The following CUX2 variants were observed in gnomAD, a reference collection of about 807,000 sequenced individuals.
The protein encoded by CUX2 is homeobox protein cut-like 2.
Under a neutral mutation model 144.8 loss-of-function variants are expected in CUX2, and 40 were observed. The ratio of observed to expected loss-of-function variants is 0.28; its 90% CI spans 0.21 to 0.36. The LOEUF (loss-of-function observed/expected upper bound fraction) is 0.36, where lower values mean the gene tolerates loss of function less well. Among genes scored for constraint, CUX2 ranks in the 10% least tolerant of loss-of-function variants. The probability of loss-of-function intolerance (pLI) is 1.00; values close to 1 mark genes in which losing one functional copy is unlikely to be tolerated. For synonymous variants in CUX2, 827 were observed against 875.6 expected, an observed-to-expected ratio of 0.94 and a Z score of 0.98; for missense variants, 1,615 against 1,994.0, an observed-to-expected ratio of 0.81 and a Z score of 3.62.
chr12:111,278,347 G>T (rs1001898924), intron 4 of CUX2, among the ~76,000 whole-genome samples: 2 of 152,226 alleles, frequency 1.3e-5, no homozygotes, highest in African/African-American at 4.8e-5. Context: ...CTTGAGCCCA[G>T]GAAGTCGAGG....
intron 3 of CUX2, among the ~76,000 whole-genome samples, chr12:111,253,752 G>A (rs59473045): frequency 0.088 from 13,267 of 151,614 alleles, 1,319 homozygotes; most frequent in African/African-American, 0.24. Flanking sequence ...GTCAAGCACC[G>A]TCTTAATGCT....
chr12:111,310,392 A>T lies in CUX2; in HGVS notation c.1610A>T (p.Asp537Val). The change falls in exon 15 of 22, where the codon GAT (aspartate) becomes GTT (valine). Residue 537 changes from aspartate to valine, a missense_variant. This residue lies in a region of CUX2 where 154 missense variants were observed against 148.4 expected (regional missense o/e 1.04). Coordinates refer to ENST00000261726, the MANE Select transcript of CUX2 (RefSeq NM_015267.4). The surrounding 1 kb of genome is among the most constrained non-coding windows in gnomAD (Gnocchi z 7.9). The stretch of plus-strand genomic sequence containing the variant: ...CCACTGGGCGGTCCTGAGCCCGCGG[A>T]TGGTGGTGGGGGCGGAGCGGCGGGG... The part of the protein sequence containing the change: ...PEPLGGPEPA[D>V]GGGGGAAGPG... 1.9e-6 allele frequency: 3 copies of T among 1,606,230 alleles called. No individual in the cohort carries two copies. The highest frequency in any genetic ancestry group is 2.6e-6 in the Non-Finnish European group (3 of 1,175,504).
intron 1 of CUX2, among the ~76,000 whole-genome samples, chr12:111,126,888 C>A (rs1325372751): frequency 2.0e-5 from 3 of 152,182 alleles, no homozygotes; most frequent in African/African-American, 7.2e-5. Context: ...TAATGTGATA[C>A]AACTATCCTG....
chr12:111,082,013 T>C (rs569708474), intron 1 of CUX2, among the ~76,000 whole-genome samples: 28 of 152,370 alleles, frequency 1.8e-4, no homozygotes, highest in African/African-American at 5.5e-4. Flanking sequence ...ATGCCTGTTT[T>C]GCTCTTCCTT....
At chr12:111,273,219 T>G (rs1884711055) in intron 4 of CUX2, among the ~76,000 whole-genome samples, 1 of 152,150 alleles carries the variant, frequency 6.6e-6, no homozygotes, top group Admixed American at 6.5e-5. Context: ...AAGGTTGAAG[T>G]GCCACCATGT....
intron 3 of CUX2, among the ~76,000 whole-genome samples, chr12:111,262,194 T>C (rs999465308): frequency 2.5e-4 from 38 of 152,276 alleles, no homozygotes; most frequent in African/African-American, 8.7e-4. Flanking sequence ...GTAAGTCCCA[T>C]AAGGGTGGGA....
chr12:111,236,593 GGAGA>G (rs564124415), intron 3 of CUX2, among the ~76,000 whole-genome samples: 122 of 152,236 alleles, frequency 8.0e-4, no homozygotes, highest in Non-Finnish European at 1.5e-3. Flanking sequence ...GGTGAGACAG[GGAGA>G]GAGAGAGTCT....
intron 3 of CUX2, among the ~76,000 whole-genome samples, chr12:111,220,937 TAAAAAAAAAAAA>T (rs1162004039): frequency 1.7e-4 from 16 of 92,098 alleles, no homozygotes; most frequent in Admixed American, 4.9e-4. Context: ...CCTGGTCTCT[TAAAAAAAAAAAA>T]AAAAAAAAAA....
chr12:111,094,932 C>T (rs956158191), intron 1 of CUX2, among the ~76,000 whole-genome samples: 9 of 152,160 alleles, frequency 5.9e-5, no homozygotes, highest in Admixed American at 3.3e-4. Flanking sequence ...GATCTCTGGA[C>T]GAAGGTAGAC....
At chr12:111,162,141 C>T (rs1431028811) in intron 1 of CUX2, among the ~76,000 whole-genome samples, 15 of 152,214 alleles carry the variant, frequency 9.9e-5, no homozygotes, top group South Asian at 2.1e-4. Context: ...TGCTTAGAGT[C>T]GCACCACTAG....
At chr12:111,113,049 GC>G (rs1360822133) in intron 1 of CUX2, among the ~76,000 whole-genome samples, 1 of 152,232 alleles carries the variant, frequency 6.6e-6, no homozygotes. Context: ...ATAGGAGCTT[GC>G]CAGGGAGGGA....
intron 4 of CUX2, among the ~76,000 whole-genome samples, chr12:111,268,510 C>T (rs1055483282): frequency 6.6e-6 from 1 of 152,256 alleles, no homozygotes; most frequent in African/African-American, 2.4e-5. Flanking sequence ...TGCTCCACCC[C>T]ATCCCGCGCT....
intron 1 of CUX2, among the ~76,000 whole-genome samples, chr12:111,122,773 C>G (rs144449385): frequency 6.6e-6 from 1 of 152,276 alleles, no homozygotes; most frequent in Admixed American, 6.5e-5. Context: ...GCTAGTTGCT[C>G]GTGGCTGCAG....
intron 17 of CUX2, among the ~76,000 whole-genome samples, chr12:111,321,373 G>T (rs531588677): frequency 5.3e-5 from 8 of 152,190 alleles, no homozygotes; most frequent in African/African-American, 1.9e-4. Flanking sequence ...GGAGACTGAG[G>T]CAGGAGCATC....
chr12:111,276,613 C>T (rs1486722619), intron 4 of CUX2, among the ~76,000 whole-genome samples: 2 of 151,838 alleles, frequency 1.3e-5, no homozygotes, highest in Non-Finnish European at 2.9e-5. Context: ...TGATAGCTCA[C>T]GTAGTTGTTT....
intron 4 of CUX2, among the ~76,000 whole-genome samples, chr12:111,279,301 G>T (rs1885014326): frequency 6.6e-6 from 1 of 152,202 alleles, no homozygotes. Flanking sequence ...CTTCCTATGA[G>T]ACTTGGAGCC....
In CUX2 at chr12:111,186,738, C is replaced by T. The variant is rs746327426; in HGVS notation, c.64-27462C>T. The stretch of plus-strand genomic sequence containing the variant: ...GGTGATGGTGCATACCTGAGAGGGT[C>T]GCTGAGACATGTGCAGGTATTAAAA... On this transcript the variant is annotated intron_variant, in intron 1 of 21. Transcript: ENST00000261726. This position sits in a 1 kb window ranked among gnomAD's most constrained non-coding sequence, Gnocchi z 4.4. 4.6e-5 allele frequency among the ~76,000 whole-genome samples: 7 copies of T among 151,446 alleles called. No homozygotes were observed. Among genetic ancestry groups the T allele is most frequent in the Admixed American group, 2.0e-4 (3 of 15,226 alleles).
rs772997802 is a variant in CUX2 at position 111,334,720 on chromosome 12, G to A, written c.3196+10G>A. 24 of 1,584,200 alleles carry A rather than the reference G, an allele frequency of 1.5e-5. No individual in the cohort carries two copies. Among genetic ancestry groups the A allele is most frequent in the East Asian group, 6.7e-5 (3 of 44,454 alleles). ...ACAGACAACAATCTAGGTACGGAGCGGGTGGGAATCGGAGAGGCTGCCTCC... is the reference window on the plus strand; with the variant it reads ...ACAGACAACAATCTAGGTACGGAGCAGGTGGGAATCGGAGAGGCTGCCTCC... On this transcript the variant is annotated intron_variant, in intron 19 of 21. Transcript: ENST00000261726.
chr12:111,236,204 T>C (rs1055094881), intron 3 of CUX2, among the ~76,000 whole-genome samples: 1 of 152,140 alleles, frequency 6.6e-6, no homozygotes, highest in Non-Finnish European at 1.5e-5. Context: ...ATTTTTCCCA[T>C]TGAGACCAAA....
Sources: allele counts gnomAD v4.1 joint callset (sites outside exome capture counted in the v4.1 genomes callset), GRCh38; gene constraint gnomAD v4.1.1; regional missense constraint gnomAD v4.1.1; non-coding constraint Gnocchi (gnomAD v3.1); transcripts MANE v1.5; gene names NCBI Gene and HGNC (gene_info 2026-07-23, HGNC 2026-07-21).